FTCDNL1: variants seen among roughly 807,000 people sequenced by gnomAD.
FTCDNL1 encodes the protein formiminotransferase N-terminal subdomain-containing protein.
A neutral mutation model predicts 5.9 loss-of-function variants in FTCDNL1; 11 were observed. The ratio of observed to expected loss-of-function variants is 1.87; its 90% CI spans 1.18 to 3.10. The LOEUF is 3.10. FTCDNL1 is among the 30% of genes most tolerant of loss of function. FTCDNL1 has a pLI of 0.00. For missense variants in FTCDNL1, 115 were observed against 65.5 expected, an observed-to-expected ratio of 1.76 and a Z score of -2.61; for synonymous variants, 58 against 24.8, an observed-to-expected ratio of 2.34 and a Z score of -3.99.
chr2:199,793,727 G>T (rs1463103124), intron 3 of FTCDNL1, among the ~76,000 whole-genome samples: 1 of 152,056 alleles, frequency 6.6e-6, no homozygotes. Flanking sequence ...TAAACATACG[G>T]CATTGACATC....
the FTCDNL1 span, among the ~76,000 whole-genome samples, chr2:199,670,548 G>A: frequency 6.6e-6 from 1 of 152,182 alleles, no homozygotes; most frequent in African/African-American, 2.4e-5. Context: ...TCTCTTTTTT[G>A]TATCAGTAGA....
At chr2:199,673,513 T>C in the FTCDNL1 span, among the ~76,000 whole-genome samples, 1 of 152,172 alleles carries the variant, frequency 6.6e-6, no homozygotes, top group Non-Finnish European at 1.5e-5. Flanking sequence ...TTTTTTGTTT[T>C]AATTTAATTG....
At chr2:199,707,698 A>G in the FTCDNL1 span, among the ~76,000 whole-genome samples, 1 of 152,120 alleles carries the variant, frequency 6.6e-6, no homozygotes, top group African/African-American at 2.4e-5. Flanking sequence ...CTCCATTAAA[A>G]AAATGCCCAA....
the FTCDNL1 span, among the ~76,000 whole-genome samples, chr2:199,748,690 C>T: frequency 2.7e-4 from 41 of 152,166 alleles, 1 homozygote; most frequent in African/African-American, 9.9e-4. Context: ...CCTGCACTGC[C>T]TAAATCCTTC....
intron 3 of FTCDNL1, among the ~76,000 whole-genome samples, chr2:199,762,007 CTTG>C (rs1019015731): frequency 1.3e-5 from 2 of 152,104 alleles, no homozygotes; most frequent in African/African-American, 4.8e-5. Context: ...GAAGAATTGT[CTTG>C]GGCCACACAT....
chr2:199,666,738 A>G, the FTCDNL1 span, among the ~76,000 whole-genome samples: 6 of 152,020 alleles, frequency 3.9e-5, no homozygotes, highest in Non-Finnish European at 7.4e-5. Flanking sequence ...AACATGGTGA[A>G]GCCCCGTCTC....
At chr2:199,780,911 T>A (rs1476767623) in intron 3 of FTCDNL1, among the ~76,000 whole-genome samples, 1 of 152,190 alleles carries the variant, frequency 6.6e-6, no homozygotes, top group African/African-American at 2.4e-5. Context: ...TGTCCCCTCA[T>A]GGAAGTGCTC....
At chr2:199,785,249 C>CTTTTTTTTTTTTTTTTTTTTTTTTTT (rs61047289) in intron 3 of FTCDNL1, among the ~76,000 whole-genome samples, 1 of 76,866 alleles carries the variant, frequency 1.3e-5, no homozygotes, top group African/African-American at 5.7e-5. Context: ...TTCCAAATTC[C>CTTTTTTTTTTTTTTTTTTTTTTTTTT]TTTTTTTTTT....
chr2:199,717,630 C>G, the FTCDNL1 span, among the ~76,000 whole-genome samples: 1 of 148,676 alleles, frequency 6.7e-6, no homozygotes, highest in Non-Finnish European at 1.5e-5. Flanking sequence ...TTCATAAAAG[C>G]CCCTCTCCAT....
At chr2:199,836,390 T>C (rs1412277352) in intron 3 of FTCDNL1, among the ~76,000 whole-genome samples, 1 of 152,154 alleles carries the variant, frequency 6.6e-6, no homozygotes, top group East Asian at 1.9e-4. Flanking sequence ...CAGGCTGGTC[T>C]TGAACTCCTG....
At chr2:199,690,965 T>G in the FTCDNL1 span, among the ~76,000 whole-genome samples, 1 of 152,278 alleles carries the variant, frequency 6.6e-6, no homozygotes, top group South Asian at 2.1e-4. Context: ...TAACTAATTT[T>G]CATCAATCAG....
In FTCDNL1 at chr2:199,801,647, T is replaced by C. The variant is rs184284824; in HGVS notation, c.212-40812A>G. On this transcript the variant is annotated intron_variant, in intron 3 of 3. Coordinates refer to the FTCDNL1 transcript ENST00000416668. ...TCCAGCCTGGGTAACAGAGTGACAATGTGTCTCAAAAAAAAGGAATAGGCC... is the reference window on the plus strand; with the variant it reads ...TCCAGCCTGGGTAACAGAGTGACAACGTGTCTCAAAAAAAAGGAATAGGCC... Among the ~76,000 whole-genome samples the C allele has an allele frequency of 5.5e-3, 819 of 149,408 alleles. 8 individuals carry two copies. The highest frequency in any genetic ancestry group is 0.019 in the African/African-American group (777 of 40,516).
the FTCDNL1 span, among the ~76,000 whole-genome samples, chr2:199,678,665 T>C: frequency 6.3e-3 from 965 of 152,054 alleles, 12 homozygotes; most frequent in African/African-American, 0.022. Flanking sequence ...AAAAACAACC[T>C]TAGAATTGAG....
downstream of FTCDNL1, among the ~76,000 whole-genome samples, chr2:199,805,473 T>G (rs571171892): frequency 1.7e-3 from 254 of 152,244 alleles, 2 homozygotes; most frequent in African/African-American, 5.6e-3. Context: ...GCGCAGTAGC[T>G]CATACCTGTA....
chr2:199,836,914 T>C (rs991668083), intron 3 of FTCDNL1, among the ~76,000 whole-genome samples: 2 of 152,154 alleles, frequency 1.3e-5, no homozygotes, highest in African/African-American at 4.8e-5. Flanking sequence ...ATCCACCAGC[T>C]CTGGTCCCCC....
chr2:199,688,849 T>C, the FTCDNL1 span, among the ~76,000 whole-genome samples: 1 of 152,182 alleles, frequency 6.6e-6, no homozygotes, highest in Non-Finnish European at 1.5e-5. Flanking sequence ...AAGGGCATTA[T>C]GATAAGATGC....
At chr2:199,826,488 CAAAAAAAAAAAA>C (rs35457727) in intron 3 of FTCDNL1, among the ~76,000 whole-genome samples, 1 of 121,190 alleles carries the variant, frequency 8.3e-6, no homozygotes, top group African/African-American at 3.1e-5. Context: ...ATTTCTCAGT[CAAAAAAAAAAAA>C]AAAAAAAGAA....
At chr2:199,702,910 A>T in the FTCDNL1 span, among the ~76,000 whole-genome samples, 3 of 152,128 alleles carry the variant, frequency 2.0e-5, no homozygotes, top group Non-Finnish European at 4.4e-5. Flanking sequence ...TGAGACCAAC[A>T]AGAAAGTCAG....
intron 3 of FTCDNL1, among the ~76,000 whole-genome samples, chr2:199,830,499 G>C (rs1469012262): frequency 6.6e-6 from 1 of 152,084 alleles, no homozygotes; most frequent in Non-Finnish European, 1.5e-5. Flanking sequence ...TCATTAAACA[G>C]AGCTGTTAAG....
Sources: allele counts gnomAD v4.1 joint callset (sites outside exome capture counted in the v4.1 genomes callset), GRCh38; gene constraint gnomAD v4.1.1; transcripts MANE v1.5; gene names NCBI Gene and HGNC (gene_info 2026-07-23, HGNC 2026-07-21).